CNBD1: variants seen among roughly 807,000 people sequenced by gnomAD.
CNBD1 encodes cyclic nucleotide binding domain containing 1, also known as cyclic nucleotide-binding domain-containing protein 1.
Under a neutral mutation model 54.4 loss-of-function variants are expected in CNBD1, and 71 were observed. That is an observed-to-expected ratio of 1.30 (90% CI 1.08 to 1.59). The LOEUF (loss-of-function observed/expected upper bound fraction) is 1.59, where lower values mean the gene tolerates loss of function less well. Ranked by LOEUF, CNBD1 falls within the 40% of genes most tolerant of loss-of-function variation. CNBD1 has a pLI of 0.00. For missense variants in CNBD1, 659 were observed against 518.0 expected (o/e 1.27, Z -2.64); for synonymous variants, 182 against 170.7 (o/e 1.07, Z -0.51).
intron 5 of CNBD1, among the ~76,000 whole-genome samples, chr8:87,225,840 G>C (rs1367953820): frequency 6.9e-6 from 1 of 144,052 alleles, no homozygotes; most frequent in Non-Finnish European, 1.5e-5. Context: ...TGTACCTCTG[G>C]TAGAATTCAG....
At chr8:87,337,401 G>C (rs937779823) in intron 8 of CNBD1, among the ~76,000 whole-genome samples, 3 of 152,164 alleles carry the variant, frequency 2.0e-5, no homozygotes, top group Non-Finnish European at 4.4e-5. Context: ...CTTCTAGCTG[G>C]AGTTGGATTT....
chr8:87,275,204 G>C (rs553928426), intron 6 of CNBD1, among the ~76,000 whole-genome samples: 1 of 141,900 alleles, frequency 7.0e-6, no homozygotes, highest in African/African-American at 2.7e-5. Context: ...AAGTCTGGTA[G>C]TGTGATGCCT....
At chr8:86,923,087 A>T (rs1251535948) in intron 3 of CNBD1, among the ~76,000 whole-genome samples, 1 of 152,188 alleles carries the variant, frequency 6.6e-6, no homozygotes, top group Non-Finnish European at 1.5e-5. Flanking sequence ...TGGACAAAAC[A>T]CACAAATAAG....
chr8:87,091,931 A>G (rs183682698), intron 4 of CNBD1, among the ~76,000 whole-genome samples: 127 of 152,292 alleles, frequency 8.3e-4, no homozygotes, highest in African/African-American at 2.8e-3. Context: ...TCCAAAAATG[A>G]TAATACTTGT....
At chr8:87,315,990 T>A (rs1485830379) in intron 8 of CNBD1, among the ~76,000 whole-genome samples, 1 of 151,980 alleles carries the variant, frequency 6.6e-6, no homozygotes, top group Non-Finnish European at 1.5e-5. Flanking sequence ...ACAATTATTG[T>A]GTATTAATAA....
chr8:87,366,602 C>T (rs1262186112), intron 10 of CNBD1, among the ~76,000 whole-genome samples: 2 of 152,042 alleles, frequency 1.3e-5, no homozygotes, highest in Admixed American at 6.6e-5. Context: ...GCAAAAATCC[C>T]TGTACTGTGT....
intron 6 of CNBD1, among the ~76,000 whole-genome samples, chr8:87,277,344 G>T (rs1023467825): frequency 6.6e-6 from 1 of 151,678 alleles, no homozygotes; most frequent in Non-Finnish European, 1.5e-5. Context: ...CCCACAGTAT[G>T]GAGGGCAATC....
intron 4 of CNBD1, among the ~76,000 whole-genome samples, chr8:86,947,529 TGGAGCATTCA>T (rs1474406924): frequency 6.6e-6 from 1 of 152,186 alleles, no homozygotes; most frequent in Non-Finnish European, 1.5e-5. Context: ...AATTCTTCCC[TGGAGCATTCA>T]TGCTCAATTT....
At chr8:87,406,955 C>G (rs1264451279) in intron 2 of CNBD1, among the ~76,000 whole-genome samples, 2 of 152,026 alleles carry the variant, frequency 1.3e-5, no homozygotes, top group Non-Finnish European at 2.9e-5. Flanking sequence ...AGGAAGTTAT[C>G]CTTTATAGTT....
chr8:87,275,339 G>A lies in CNBD1; in HGVS notation c.772-9339G>A, dbSNP rs182662617. Among the ~76,000 whole-genome samples, 472 of 151,230 alleles carry A rather than the reference G, an allele frequency of 3.1e-3. 2 individuals carry two copies. Among genetic ancestry groups the A allele is most frequent in the African/African-American group, 0.011 (440 of 41,038 alleles). ...AGTCATTGGTGGCTTGATGGGGATA[G>A]CATTGAATCTATAAATTACCTTGGG... On this transcript the variant is annotated intron_variant, in intron 6 of 10. Transcript: ENST00000518476.
intron 9 of CNBD1, among the ~76,000 whole-genome samples, chr8:87,353,169 CAG>C (rs1810342189): frequency 1.3e-5 from 2 of 152,184 alleles, no homozygotes; most frequent in African/African-American, 2.4e-5. Context: ...ACAGAAAAGA[CAG>C]GGAATAATCC....
intron 10 of CNBD1, among the ~76,000 whole-genome samples, chr8:87,366,973 T>G (rs1563571773): frequency 1.3e-5 from 2 of 152,056 alleles, no homozygotes; most frequent in African/African-American, 4.8e-5. Flanking sequence ...AATATTTGCC[T>G]GTAATTCCTT....
rs1056188176 is a variant in CNBD1, at chr8:87,048,233, G to A, written c.431+108479G>A. Among the ~76,000 whole-genome samples, 3 of 152,212 alleles carry A rather than the reference G, an allele frequency of 2.0e-5. No homozygotes were observed. The East Asian group carries it at 5.8e-4, about 29-fold the overall frequency. ...TTTCTTGGGGGTTCAGCTTCCAATG[G>A]TTGTTTTCATTCCTATTGGAAGTGG... On this transcript the variant is annotated intron_variant, in intron 4 of 10. Transcript: ENST00000518476.
chr8:86,932,935 C>T (rs953979073), intron 3 of CNBD1, among the ~76,000 whole-genome samples: 4 of 152,030 alleles, frequency 2.6e-5, no homozygotes, highest in Non-Finnish European at 5.9e-5. Context: ...TTGTTTTCCT[C>T]CTAGATCACA....
intron 6 of CNBD1, among the ~76,000 whole-genome samples, chr8:87,270,481 T>C (rs898635784): frequency 2.0e-5 from 3 of 151,890 alleles, no homozygotes; most frequent in Non-Finnish European, 2.9e-5. Flanking sequence ...GGCAAGATTG[T>C]GAGAAAAATG....
At chr8:87,149,501 G>A (rs1164778543) in intron 4 of CNBD1, among the ~76,000 whole-genome samples, 1 of 152,170 alleles carries the variant, frequency 6.6e-6, no homozygotes, top group Non-Finnish European at 1.5e-5. Context: ...ATGTGTGTTG[G>A]AAATCCAAGG....
chr8:87,067,851 T>C (rs539714827), intron 4 of CNBD1, among the ~76,000 whole-genome samples: 22 of 152,150 alleles, frequency 1.4e-4, no homozygotes, highest in Admixed American at 1.1e-3. Flanking sequence ...TGTTTCCACC[T>C]GAGAAGACCA....
At chr8:87,121,169 C>G (rs1386815587) in intron 4 of CNBD1, among the ~76,000 whole-genome samples, 1 of 151,746 alleles carries the variant, frequency 6.6e-6, no homozygotes, top group Non-Finnish European at 1.5e-5. Context: ...AAAGGCCCTA[C>G]AGTTAAAAGA....
chr8:87,405,136 TCAAC>T (rs1317923261), intron 2 of CNBD1, among the ~76,000 whole-genome samples: 1 of 152,040 alleles, frequency 6.6e-6, no homozygotes, highest in African/African-American at 2.4e-5. Flanking sequence ...CTTAATATAC[TCAAC>T]CATTGTTACA....
Sources: gnomAD v4.1 joint callset for allele counts (sites outside exome capture counted in the v4.1 genomes callset) on GRCh38, gnomAD v4.1.1 for gene constraint, MANE v1.5 for transcripts, NCBI Gene and HGNC (gene_info 2026-07-23, HGNC 2026-07-21) for gene names.